Variants in THSD7B observed in about 807,000 individuals in gnomAD.
THSD7B encodes thrombospondin type-1 domain-containing protein 7B.
THSD7B carries 138 observed loss-of-function variants against 213.6 expected under a neutral mutation model. The ratio of observed to expected loss-of-function variants is 0.65; its 90% confidence interval spans 0.56 to 0.74. The LOEUF (loss-of-function observed/expected upper bound fraction) is 0.74, where lower values mean the gene tolerates loss of function less well. THSD7B is among the 30% of genes least tolerant of loss of function. The pLI, the probability that THSD7B is intolerant of heterozygous loss-of-function variation, is 0.00. For missense variants in THSD7B, 1,931 were observed against 1,991.5 expected (o/e 0.97, Z 0.58); for synonymous variants, 742 against 687.0 (o/e 1.08, Z -1.25).
In THSD7B at chr2:137,408,552, G is replaced by T. The variant is rs1195067728; in HGVS notation, c.2695+2745G>T. ...TTCTGCTATAGTTGCTGTTGTATTG[G>T]GAGCGGTATTCAAACAAATCCTATT... On this transcript the variant is annotated intron_variant, in intron 13 of 27. Coordinates refer to ENST00000409968, the MANE Select transcript of THSD7B (RefSeq NM_001316349.2). Among the ~76,000 whole-genome samples, 10 of 152,216 alleles carry T rather than the reference G, an allele frequency of 6.6e-5. No homozygotes were observed. In the East Asian group the frequency reaches 1.9e-3, roughly 29 times the overall value.
chr2:137,182,595 G>A (rs554318339), intron 7 of THSD7B, among the ~76,000 whole-genome samples: 124 of 152,244 alleles, frequency 8.1e-4, no homozygotes, highest in African/African-American at 2.7e-3. Context: ...ATGAGAATCC[G>A]TAGGAGTAAC....
intron 5 of THSD7B, among the ~76,000 whole-genome samples, chr2:137,123,304 G>A (rs556422088): frequency 7.2e-5 from 11 of 152,040 alleles, no homozygotes; most frequent in African/African-American, 2.4e-4. Flanking sequence ...CTCCCTGTGG[G>A]GTGAACCTTG....
intron 3 of THSD7B, among the ~76,000 whole-genome samples, chr2:137,079,949 C>T (rs1473077288): frequency 6.6e-6 from 1 of 151,762 alleles, no homozygotes; most frequent in Non-Finnish European, 1.5e-5. Context: ...AGGCGATTCT[C>T]TTACCTCAGC....
intron 15 of THSD7B, among the ~76,000 whole-genome samples, chr2:137,523,379 T>G (rs1680222465): frequency 6.6e-6 from 1 of 152,210 alleles, no homozygotes; most frequent in Admixed American, 6.5e-5. Flanking sequence ...TTTTAGAGGT[T>G]AGGAGAAACT....
intron 2 of THSD7B, among the ~76,000 whole-genome samples, chr2:136,937,857 T>C (rs919091714): frequency 6.6e-6 from 1 of 152,192 alleles, no homozygotes; most frequent in Non-Finnish European, 1.5e-5. Context: ...AATAGTTGAG[T>C]AGAGCAGTTG....
At position 137,479,499 on chromosome 2, in the gene THSD7B, G is replaced by T. The variant is rs972259217; in HGVS notation, c.3138+28476G>T. ...GAATGCTCAGGTTGGAGCAGCAGTT[G>T]CTGGGGAAAGTGGGGTTCCTTTCGC... On this transcript the variant is annotated intron_variant, in intron 15 of 27. Transcript: ENST00000409968. The T allele has an allele frequency of 1.2e-5, 5 of 416,474 alleles. No homozygotes were observed. In the Admixed American group the frequency reaches 1.3e-4, roughly 11 times the overall value. The allele number at this position is 416,474 out of a possible 1,614,324, so 25.8% of individuals were successfully genotyped here.
chr2:137,224,009 G>A (rs1190091795), intron 7 of THSD7B, among the ~76,000 whole-genome samples: 3 of 152,116 alleles, frequency 2.0e-5, no homozygotes, highest in Admixed American at 2.0e-4. Context: ...ACAGCCTGTG[G>A]AACCATGAGC....
At chr2:136,975,584 T>C (rs1480707438) in intron 2 of THSD7B, among the ~76,000 whole-genome samples, 6 of 152,230 alleles carry the variant, frequency 3.9e-5, no homozygotes, top group Admixed American at 1.3e-4. Flanking sequence ...TTTTGGATAC[T>C]GTGGCCTTGT....
At chr2:136,845,975 G>A (rs1337920078) in intron 1 of THSD7B, among the ~76,000 whole-genome samples, 1 of 152,128 alleles carries the variant, frequency 6.6e-6, no homozygotes, top group East Asian at 1.9e-4. Context: ...ATGGACTGAT[G>A]AGGGGCTCTG....
chr2:137,377,455 A>AT lies in THSD7B; in HGVS notation c.2501-28150dup, dbSNP rs535057844. ...TTAGAGCATAACTTTTGGGAAAATC[A>AT]TTTTTTTTCTGACTAGTAAATGCTT... On this transcript the variant is annotated intron_variant, in intron 12 of 27. Transcript: ENST00000409968. Among the ~76,000 whole-genome samples, 8 of 151,896 alleles carry AT rather than the reference A, an allele frequency of 5.3e-5. No homozygotes were observed. The South Asian group carries it at 8.3e-4, about 16-fold the overall frequency.
chr2:136,981,303 T>C (rs517615), intron 2 of THSD7B, among the ~76,000 whole-genome samples: 150,000 of 152,222 alleles, frequency 0.99, 73,948 homozygotes, highest in Middle Eastern at 1. Context: ...CCCAGTACAG[T>C]GTGCTGAGAT....
At chr2:137,192,189 A>C (rs1442701484) in intron 7 of THSD7B, among the ~76,000 whole-genome samples, 2 of 152,194 alleles carry the variant, frequency 1.3e-5, no homozygotes, top group East Asian at 3.9e-4. Context: ...ATCCCAGCTT[A>C]ATCGTGGGTA....
chr2:137,140,695 ATTGAG>A (rs1558935787), intron 5 of THSD7B, among the ~76,000 whole-genome samples: 1 of 152,136 alleles, frequency 6.6e-6, no homozygotes, highest in Non-Finnish European at 1.5e-5. Context: ...ACAAATACTT[ATTGAG>A]TGTCCATTTT....
chr2:137,454,496 ATGTT>A (rs1472726598), intron 15 of THSD7B, among the ~76,000 whole-genome samples: 1 of 151,256 alleles, frequency 6.6e-6, no homozygotes, highest in African/African-American at 2.4e-5. Context: ...GTGTGTAAGT[ATGTT>A]TGTGGAAAGA....
At chr2:137,529,770 T>C (rs1186914574) in intron 15 of THSD7B, among the ~76,000 whole-genome samples, 4 of 151,994 alleles carry the variant, frequency 2.6e-5, no homozygotes, top group Non-Finnish European at 5.9e-5. Flanking sequence ...TCTTCCCTGC[T>C]GAGATTGAGA....
chr2:137,653,023 T>C (rs1683168855), intron 21 of THSD7B, among the ~76,000 whole-genome samples: 2 of 152,186 alleles, frequency 1.3e-5, no homozygotes, highest in Non-Finnish European at 2.9e-5. Context: ...TGTTTGTCCA[T>C]GTGCTTAATT....
chr2:137,205,997 T>G (rs1680975871), intron 7 of THSD7B, among the ~76,000 whole-genome samples: 1 of 152,014 alleles, frequency 6.6e-6, no homozygotes, highest in Non-Finnish European at 1.5e-5. Flanking sequence ...CATACAAATC[T>G]CTGCCTTTTC....
intron 10 of THSD7B, among the ~76,000 whole-genome samples, chr2:137,249,704 C>T (rs868290242): frequency 3.9e-5 from 6 of 152,062 alleles, no homozygotes; most frequent in South Asian, 4.1e-4. Context: ...CCGAGGTTAC[C>T]CAGTATGTTA....
At position 137,604,279 on chromosome 2, in the gene THSD7B, T is replaced by A. The variant is rs148675383; in HGVS notation, c.3424-11896T>A. On this transcript the variant is annotated intron_variant, in intron 17 of 27. Transcript: ENST00000409968. The stretch of plus-strand genomic sequence containing the variant: ...AGTGAAAATATAACATTTAATTTTT[T>A]AAAATGACTCAATTCCTCTCTTTGA... 4.6e-5 allele frequency among the ~76,000 whole-genome samples: 7 copies of A among 152,272 alleles called. No individual in the cohort carries two copies. In the East Asian group the frequency reaches 1.4e-3, roughly 29 times the overall value.
Sources: allele counts gnomAD v4.1 joint callset (sites outside exome capture counted in the v4.1 genomes callset), GRCh38; gene constraint gnomAD v4.1.1; transcripts MANE v1.5; gene names NCBI Gene and HGNC (gene_info 2026-07-23, HGNC 2026-07-21).